Variants in FAM228B observed in about 807,000 individuals in gnomAD.
The protein encoded by FAM228B is protein FAM228B.
FAM228B carries 38 observed loss-of-function variants against 42.6 expected under a neutral mutation model. The observed-to-expected ratio is 0.89, with a 90% CI of 0.69 to 1.17. The LOEUF is 1.17. FAM228B is among the 50% of genes most tolerant of loss of function. FAM228B has a pLI of 0.00. For missense variants in FAM228B, 344 were observed against 367.3 expected, an observed-to-expected ratio of 0.94 and a Z score of 0.52; for synonymous variants, 109 against 122.3, an observed-to-expected ratio of 0.89 and a Z score of 0.72.
chr2:24,124,214 T>C, intron 1 of FAM228B, 116 bp from the exon 2 acceptor site: 2 of 573,594 alleles, frequency 3.5e-6, no homozygotes, highest in Non-Finnish European at 6.1e-6. Flanking sequence ...TTAGGGAAAC[T>C]GGATGGTTAG....
intron 9 of FAM228B, among the ~76,000 whole-genome samples, chr2:24,167,082 A>T (rs371419907): frequency 6.6e-6 from 1 of 152,026 alleles, no homozygotes; most frequent in Non-Finnish European, 1.5e-5. Flanking sequence ...GTAGGGGGGA[A>T]ATCATATCTA....
chr2:24,133,297 C>G (rs1420734048), intron 2 of FAM228B, among the ~76,000 whole-genome samples: 1 of 149,120 alleles, frequency 6.7e-6, no homozygotes, highest in South Asian at 2.2e-4. Context: ...TTCACTACCC[C>G]CTATCTGAGT....
At chr2:24,161,413 C>T in intron 7 of FAM228B, 93 bp from the exon 8 acceptor site, 1 of 750,976 alleles carries the variant, frequency 1.3e-6, no homozygotes, top group Non-Finnish European at 2.2e-6. Context: ...GATTGCACCA[C>T]TGCACCACAG....
intron 2 of FAM228B, chr2:24,083,213 C>T (rs1400342416): frequency 6.7e-7 from 1 of 1,488,390 alleles, no homozygotes; most frequent in Non-Finnish European, 8.9e-7. Context: ...GTCACTACCC[C>T]TGGCCCCCCT....
chr2:24,159,769 A>AT (rs1458031345), intron 7 of FAM228B, among the ~76,000 whole-genome samples: 2 of 152,224 alleles, frequency 1.3e-5, no homozygotes, highest in Non-Finnish European at 2.9e-5. Flanking sequence ...ACCTTTGAAG[A>AT]TAATTTGCCA....
At chr2:24,115,045 C>T (rs1371564149) in intron 3 of FAM228B, among the ~76,000 whole-genome samples, 1 of 152,194 alleles carries the variant, frequency 6.6e-6, no homozygotes, top group Non-Finnish European at 1.5e-5. Context: ...AATCCCTTCT[C>T]CCAAGTCTCA....
At chr2:24,127,167 A>G (rs992184687) in intron 2 of FAM228B, among the ~76,000 whole-genome samples, 3 of 151,922 alleles carry the variant, frequency 2.0e-5, no homozygotes, top group East Asian at 3.9e-4. Context: ...AGATTTGTCT[A>G]CTCTGGACAT....
In FAM228B at chr2:24,095,848, C is replaced by T. The variant is rs1021828288; in HGVS notation, c.-121+619C>T. On this transcript the variant is annotated intron_variant, in intron 3 of 10. Coordinates refer to the FAM228B transcript ENST00000613899. The surrounding 1 kb of genome is among the most constrained non-coding windows in gnomAD (Gnocchi z 4.8). ...CATGTAGCCTAACTAGGAGATACCTCCCAGGAGGGGCCGACAGACACCTCA... is the reference window on the plus strand; with the variant it reads ...CATGTAGCCTAACTAGGAGATACCTTCCAGGAGGGGCCGACAGACACCTCA... 2 of 152,248 alleles carry T rather than the reference C, an allele frequency of 1.3e-5. No homozygotes were observed. The highest frequency in any genetic ancestry group is 4.8e-5 in the African/African-American group (2 of 41,440). 9.4% of individuals were successfully genotyped at this position (152,248 alleles called of 1,614,324 possible). A position where few individuals can be genotyped will look rare whatever the true frequency, so the allele number is the denominator to read the frequency against.
intron 3 of FAM228B, among the ~76,000 whole-genome samples, chr2:24,102,650 ATCGC>A (rs1331400388): frequency 6.6e-6 from 1 of 152,194 alleles, no homozygotes; most frequent in African/African-American, 2.4e-5. Flanking sequence ...AGGCAGGAGA[ATCGC>A]TTGAACCCTG....
chr2:24,112,379 C>T (rs1299997925), intron 3 of FAM228B, among the ~76,000 whole-genome samples: 1 of 148,574 alleles, frequency 6.7e-6, no homozygotes, highest in Non-Finnish European at 1.5e-5. Context: ...TGGCTCACTG[C>T]AACCTCCGCC....
chr2:24,129,085 G>A (rs75514284), intron 2 of FAM228B, among the ~76,000 whole-genome samples: 2,978 of 152,098 alleles, frequency 0.02, 112 homozygotes, highest in African/African-American at 0.069. Context: ...GACCTCTGCG[G>A]TTGACCCTTT....
chr2:24,089,405 C>A (rs1300996803), intron 2 of FAM228B, among the ~76,000 whole-genome samples: 2 of 151,964 alleles, frequency 1.3e-5, no homozygotes, highest in Admixed American at 1.3e-4. Flanking sequence ...TCTACAGCAA[C>A]AAGTAGTAAA....
intron 3 of FAM228B, among the ~76,000 whole-genome samples, chr2:24,107,267 A>G (rs1461122837): frequency 6.6e-6 from 1 of 152,236 alleles, no homozygotes; most frequent in African/African-American, 2.4e-5. Context: ...AGGAGCACCC[A>G]GATTCATAAA....
At chr2:24,091,731 A>G (rs1398115169) in intron 2 of FAM228B, among the ~76,000 whole-genome samples, 1 of 152,234 alleles carries the variant, frequency 6.6e-6, no homozygotes, top group African/African-American at 2.4e-5. Flanking sequence ...ACTATATCAA[A>G]GAACAGAAAC....
chr2:24,156,209 T>C (rs1573782041), intron 7 of FAM228B, among the ~76,000 whole-genome samples: 1 of 152,236 alleles, frequency 6.6e-6, no homozygotes, highest in East Asian at 1.9e-4. Context: ...GCTTGTCATC[T>C]TTTGCATCTA....
chr2:24,141,162 C>T (rs1160642848), intron 5 of FAM228B, among the ~76,000 whole-genome samples: 2 of 151,966 alleles, frequency 1.3e-5, no homozygotes, highest in African/African-American at 4.8e-5. Flanking sequence ...GCAACCTCCC[C>T]ATCCTGGGTT....
At position 24,135,208 on chromosome 2, in the gene FAM228B, G is replaced by T. The variant is rs369705253; in HGVS notation, c.168+21G>T. The T allele has an allele frequency of 1.4e-3, 1,770 of 1,297,244 alleles. 16 individuals carry two copies. The African/African-American group carries it at 0.024, about 17-fold the overall frequency. 80.4% of individuals were successfully genotyped at this position (1,297,244 alleles called of 1,614,324 possible). On this transcript the variant is annotated intron_variant, in intron 3 of 10. Coordinates refer to ENST00000615575, the MANE Select transcript of FAM228B (RefSeq NM_001145710.2). ...TTAAGGTAAGAATTGGCTACAAAAT[G>T]CATCTCAGTTAAAAATTAAATGTAG... is the stretch of plus-strand genomic sequence containing the variant.
chr2:24,132,644 T>G (rs1484373988), intron 2 of FAM228B, among the ~76,000 whole-genome samples: 2 of 152,092 alleles, frequency 1.3e-5, no homozygotes, highest in African/African-American at 4.8e-5. Flanking sequence ...ATTTCAGAGT[T>G]GGTCTCCATT....
intron 7 of FAM228B, among the ~76,000 whole-genome samples, chr2:24,151,518 C>T (rs1251991078): frequency 2.0e-5 from 3 of 151,898 alleles, no homozygotes; most frequent in African/African-American, 7.3e-5. Flanking sequence ...TCTCAAACTC[C>T]TGACGTCAGG....
Sources: allele counts gnomAD v4.1 joint callset (sites outside exome capture counted in the v4.1 genomes callset), GRCh38; gene constraint gnomAD v4.1.1; non-coding constraint Gnocchi (gnomAD v3.1); transcripts MANE v1.5; gene names NCBI Gene and HGNC (gene_info 2026-07-23, HGNC 2026-07-21).